Variants in MAPKAPK2 observed in about 807,000 individuals in gnomAD.
The protein encoded by MAPKAPK2 is MAPK activated protein kinase 2.
In MAPKAPK2, 9 loss-of-function variants were observed where a neutral mutation model predicts 48.8. The observed-to-expected ratio is 0.18, with a 90% CI of 0.11 to 0.32. The LOEUF is 0.32. Ranked by LOEUF, MAPKAPK2 falls within the 10% of genes least tolerant of loss-of-function variation. The pLI, the probability that MAPKAPK2 is intolerant of heterozygous loss-of-function variation, is 1.00. For synonymous variants in MAPKAPK2, 202 were observed against 190.6 expected, an observed-to-expected ratio of 1.06 and a Z score of -0.49; for missense variants, 331 against 498.3, an observed-to-expected ratio of 0.66 and a Z score of 3.20.
At chr1:206,721,999 AG>A (rs1325679604) in intron 1 of MAPKAPK2, among the ~76,000 whole-genome samples, 1 of 150,368 alleles carries the variant, frequency 6.7e-6, no homozygotes, top group Non-Finnish European at 1.5e-5. Context: ...CGGGAGGTGG[AG>A]GTTGCGGTGA....
intron 1 of MAPKAPK2, among the ~76,000 whole-genome samples, chr1:206,716,490 G>A (rs1673340454): frequency 6.6e-6 from 1 of 152,010 alleles, no homozygotes; most frequent in African/African-American, 2.4e-5. Flanking sequence ...GGTGGGGGAT[G>A]TGTGTGTGTG....
chr1:206,686,275 A>G (rs1453107866), intron 1 of MAPKAPK2, among the ~76,000 whole-genome samples: 1 of 152,208 alleles, frequency 6.6e-6, no homozygotes, highest in Non-Finnish European at 1.5e-5. Flanking sequence ...CGCCTCCTAG[A>G]GAGGGCCACT....
In MAPKAPK2 at chr1:206,731,034, G is replaced by C; in HGVS notation, c.768-104G>C. 2.0e-6 allele frequency: 3 copies of C among 1,486,320 alleles called. No individual in the cohort carries two copies. Among genetic ancestry groups the C allele is most frequent in the Non-Finnish European group, 2.8e-6 (3 of 1,068,416 alleles). The allele number at this position is 1,486,320 out of a possible 1,614,324, so 92.1% of individuals were successfully genotyped here. On this transcript the variant is annotated intron_variant, in intron 6 of 9. Transcript: ENST00000367103. This position sits in a 1 kb window ranked among gnomAD's most constrained non-coding sequence, Gnocchi z 5.9. ...TGTGTCAATAAGCCCTGATTTCTCT[G>C]TGACCTTTACAAGGAGAAGAGCCTG...
rs568875953 is a variant in MAPKAPK2, at chr1:206,693,058, G to A, written c.279+7550G>A. ...TCCCCCTGCCGACTCCTCCACTTTCGTCCTCCGGCGGGGCTCCTTATCCTC... is the reference window on the plus strand; with the variant it reads ...TCCCCCTGCCGACTCCTCCACTTTCATCCTCCGGCGGGGCTCCTTATCCTC... On this transcript the variant is annotated intron_variant, in intron 1 of 9. Coordinates refer to ENST00000367103, the MANE Select transcript of MAPKAPK2 (RefSeq NM_032960.4). Among the ~76,000 whole-genome samples the A allele has an allele frequency of 1.5e-4, 23 of 152,286 alleles. No homozygotes were observed. The East Asian group carries it at 4.2e-3, about 28-fold the overall frequency.
chr1:206,695,772 C>CTT (rs1553426935), intron 1 of MAPKAPK2: 9 of 52,500 alleles, frequency 1.7e-4, no homozygotes, highest in South Asian at 1.4e-3. Flanking sequence ...CTCTCTCTCT[C>CTT]TTTTTTTTTT....
At chr1:206,728,222 A>G (rs1034507135) in intron 1 of MAPKAPK2, among the ~76,000 whole-genome samples, 16 of 152,152 alleles carry the variant, frequency 1.1e-4, no homozygotes, top group African/African-American at 3.4e-4. Flanking sequence ...GAAGTCAACT[A>G]CAGAGGTAGA....
At chr1:206,719,815 A>T (rs1320739473) in intron 1 of MAPKAPK2, among the ~76,000 whole-genome samples, 1 of 152,260 alleles carries the variant, frequency 6.6e-6, no homozygotes, top group Non-Finnish European at 1.5e-5. Flanking sequence ...ATTCTCCCTT[A>T]AACCATTGCT....
At position 206,732,255 on chromosome 1, in the gene MAPKAPK2, A is replaced by G; in HGVS notation, c.1060-320A>G. 6.8e-7 allele frequency: 1 copy of G among 1,479,924 alleles called. No individual in the cohort carries two copies. Among genetic ancestry groups the G allele is most frequent in the Non-Finnish European group, 9.0e-7 (1 of 1,112,326 alleles). 91.7% of individuals were successfully genotyped at this position (1,479,924 alleles called of 1,614,324 possible). A position where few individuals can be genotyped will look rare whatever the true frequency, so the allele number is the denominator to read the frequency against. ...GAGGGCAGTCTGCTCAAGGTCACGCAGCTGGTGACTGGTTGGGGCAGACCG... is the reference window on the plus strand; with the variant it reads ...GAGGGCAGTCTGCTCAAGGTCACGCGGCTGGTGACTGGTTGGGGCAGACCG... On this transcript the variant is annotated intron_variant, in intron 9 of 9. Transcript: ENST00000367103. The surrounding 1 kb of genome is among the most constrained non-coding windows in gnomAD (Gnocchi z 4.4).
At chr1:206,718,430 G>A (rs539144067) in intron 1 of MAPKAPK2, among the ~76,000 whole-genome samples, 11 of 151,752 alleles carry the variant, frequency 7.2e-5, no homozygotes, top group Admixed American at 2.6e-4. Context: ...TACTTGGGAG[G>A]CTGAGGCAGG....
At chr1:206,713,397 G>A (rs1553429843) in intron 1 of MAPKAPK2, among the ~76,000 whole-genome samples, 1 of 152,218 alleles carries the variant, frequency 6.6e-6, no homozygotes, top group Non-Finnish European at 1.5e-5. Context: ...GGAGGTTAGG[G>A]TAGCGATGAT....
At position 206,701,450 on chromosome 1, in the gene MAPKAPK2, G is replaced by A. The variant is rs554049744; in HGVS notation, c.279+15942G>A. Among the ~76,000 whole-genome samples, 557 of 152,228 alleles carry A rather than the reference G, an allele frequency of 3.7e-3. 5 individuals carry two copies. Among genetic ancestry groups the A allele is most frequent in the African/African-American group, 0.013 (535 of 41,538 alleles). ...TCCTGGTAGACACTTAGCTGGAAGG[G>A]GATTTGAGGAAGGGTACAGGGAGAG... On this transcript the variant is annotated intron_variant, in intron 1 of 9. Transcript: ENST00000367103.
intron 1 of MAPKAPK2, among the ~76,000 whole-genome samples, 199 bp downstream of exon 1, chr1:206,685,707 C>G (rs1672268369): frequency 6.7e-6 from 1 of 149,948 alleles, no homozygotes; most frequent in African/African-American, 2.4e-5. Context: ...CTGACCGCTT[C>G]CGGCCGCTCC....
At chr1:206,719,832 G>A (rs1673458881) in intron 1 of MAPKAPK2, among the ~76,000 whole-genome samples, 1 of 152,230 alleles carries the variant, frequency 6.6e-6, no homozygotes, top group Non-Finnish European at 1.5e-5. Context: ...TGCTGCTTTT[G>A]TGGCAGCATC....
At chr1:206,698,663 TTAAAA>T (rs1381175820) in intron 1 of MAPKAPK2, among the ~76,000 whole-genome samples, 2 of 152,248 alleles carry the variant, frequency 1.3e-5, no homozygotes, top group African/African-American at 2.4e-5. Flanking sequence ...TTGTTAATCC[TTAAAA>T]TAACCCTTTT....
At chr1:206,727,473 T>G (rs1259750609) in intron 1 of MAPKAPK2, among the ~76,000 whole-genome samples, 1 of 152,158 alleles carries the variant, frequency 6.6e-6, no homozygotes, top group Non-Finnish European at 1.5e-5. Context: ...TCCAGGTGAT[T>G]GCCATTTCTC....
At chr1:206,725,190 C>T (rs1245511039) in intron 1 of MAPKAPK2, among the ~76,000 whole-genome samples, 6 of 152,250 alleles carry the variant, frequency 3.9e-5, no homozygotes, top group Non-Finnish European at 7.3e-5. Flanking sequence ...CCTTGTGCCA[C>T]GCACTCCTAA....
chr1:206,710,051 T>C (rs1364233289), intron 1 of MAPKAPK2, among the ~76,000 whole-genome samples: 1 of 152,222 alleles, frequency 6.6e-6, no homozygotes, highest in Non-Finnish European at 1.5e-5. Flanking sequence ...CTCTTTAGCA[T>C]ATATACTTAC....
At chr1:206,708,522 T>C (rs1673035295) in intron 1 of MAPKAPK2, among the ~76,000 whole-genome samples, 1 of 152,230 alleles carries the variant, frequency 6.6e-6, no homozygotes, top group Non-Finnish European at 1.5e-5. Flanking sequence ...ATGCATTTTG[T>C]AGTAAATTGC....
In MAPKAPK2 at chr1:206,704,214, C is replaced by T. The variant is rs1452204150; in HGVS notation, c.279+18706C>T. 6.6e-6 allele frequency among the ~76,000 whole-genome samples: 1 copy of T among 151,098 alleles called. No individual in the cohort carries two copies. ...CTGAGATATGTCATTTGAATATGAA[C>T]GCACTAGACTTTCTGGGAAATGTTG... On this transcript the variant is annotated intron_variant, in intron 1 of 9. Transcript: ENST00000367103. The surrounding 1 kb of genome is among the most constrained non-coding windows in gnomAD (Gnocchi z 4.3).
Sources: allele counts gnomAD v4.1 joint callset (sites outside exome capture counted in the v4.1 genomes callset), GRCh38; gene constraint gnomAD v4.1.1; non-coding constraint Gnocchi (gnomAD v3.1); transcripts MANE v1.5; gene names NCBI Gene and HGNC (gene_info 2026-07-23, HGNC 2026-07-21).